Variants in SH3BP4 observed in about 807,000 individuals in gnomAD.
SH3BP4 encodes SH3 domain binding protein 4, also known as SH3 domain-binding protein 4.
SH3BP4 carries 33 observed loss-of-function variants against 65.5 expected under a neutral mutation model. The observed-to-expected ratio is 0.50, with a 90% CI of 0.38 to 0.67. The LOEUF (loss-of-function observed/expected upper bound fraction) is 0.67. Among genes scored for constraint, SH3BP4 ranks in the 30% least tolerant of loss-of-function variants. SH3BP4 has a pLI of 0.00. For synonymous variants in SH3BP4, 552 were observed against 545.5 expected, an observed-to-expected ratio of 1.01 and a Z score of -0.17; for missense variants, 1,134 against 1,261.4, an observed-to-expected ratio of 0.90 and a Z score of 1.53.
chr2:234,972,115 TTTTTTTTTTTTGTTTTTTG>T, intron 1 of SH3BP4, among the ~76,000 whole-genome samples: 1 of 126,182 alleles, frequency 7.9e-6, no homozygotes, highest in African/African-American at 3.0e-5. Context: ...GTGCCCGGCC[TTTTTTTTTTTTGTTTTTTG>T]TTTTTTTTTT....
At position 235,034,983 on chromosome 2, in the gene SH3BP4, C is replaced by A; in HGVS notation, c.-20C>A. The A allele has an allele frequency of 6.2e-7, 1 of 1,605,060 alleles. No individual in the cohort carries two copies. Among genetic ancestry groups the A allele is most frequent in the Non-Finnish European group, 8.5e-7 (1 of 1,172,190 alleles). ...GAAATATGAAGCCTTAGCGGCTTTA[C>A]CCGGGAAGCGAGTTTCGAGATGGCG... is the stretch of plus-strand genomic sequence containing the variant. On this transcript the variant is annotated 5_prime_UTR_variant, in exon 3 of 6. Coordinates refer to ENST00000392011, the MANE Select transcript of SH3BP4 (RefSeq NM_014521.3). The surrounding 1 kb of genome is among the most constrained non-coding windows in gnomAD (Gnocchi z 6.2).
intron 1 of SH3BP4, among the ~76,000 whole-genome samples, chr2:234,962,572 G>T (rs1692738752): frequency 6.6e-6 from 1 of 152,252 alleles, no homozygotes. Context: ...AATCACATCA[G>T]TGGAATTCTA....
chr2:235,024,599 A>T (rs761149619), intron 2 of SH3BP4, among the ~76,000 whole-genome samples: 1 of 152,096 alleles, frequency 6.6e-6, no homozygotes, highest in Non-Finnish European at 1.5e-5. Flanking sequence ...CAGCATTTTC[A>T]TCAGGGAAAG....
At chr2:234,988,933 G>A (rs1179641173) in intron 1 of SH3BP4, among the ~76,000 whole-genome samples, 1 of 152,168 alleles carries the variant, frequency 6.6e-6, no homozygotes, top group Non-Finnish European at 1.5e-5. Context: ...TTCTGCATAA[G>A]AAAATGTAAC....
Position 235,041,699 on chromosome 2 carries a change from C to G in SH3BP4, c.930C>G (p.Gly310=), listed in dbSNP as rs534074692. ...TGCTTGGCCAAAGCCCTGGTTGGGG[C>G]CAGACCCAAGCCGTGGAGACAAACA... ...LDLLGQSPGW[G]QTQAVETNIV... Residue 310 remains glycine (G), a synonymous_variant, in exon 4 of 6, where the codon GGC becomes GGG. Transcript: ENST00000392011. This position sits in a 1 kb window ranked among gnomAD's most constrained non-coding sequence, Gnocchi z 6.0. The G allele has an allele frequency of 6.2e-7, 1 of 1,612,670 alleles. No individual in the cohort carries two copies. The highest frequency in any genetic ancestry group is 8.5e-7 in the Non-Finnish European group (1 of 1,179,256).
intron 2 of SH3BP4, among the ~76,000 whole-genome samples, chr2:235,028,121 G>A (rs567613617): frequency 6.6e-6 from 1 of 152,326 alleles, no homozygotes; most frequent in African/African-American, 2.4e-5. Context: ...GGATGAATCA[G>A]CCTTTGCACA....
chr2:235,035,245 T>C lies in SH3BP4; in HGVS notation c.118+125T>C. On this transcript the variant is annotated intron_variant, in intron 3 of 5. Transcript: ENST00000392011. The surrounding 1 kb of genome is among the most constrained non-coding windows in gnomAD (Gnocchi z 5.0). ...TTCAGATAGTTAAAGTTTAGTTCTT[T>C]AAACTTCATCATGGTAATAGATTTA... The C allele has an allele frequency of 1.3e-6, 1 of 765,598 alleles. No individual in the cohort carries two copies. Among genetic ancestry groups the C allele is most frequent in the Non-Finnish European group, 2.3e-6 (1 of 438,054 alleles). 47.4% of individuals were successfully genotyped at this position (765,598 alleles called of 1,614,324 possible).
intron 4 of SH3BP4, among the ~76,000 whole-genome samples, chr2:235,043,805 C>G (rs1301927060): frequency 6.6e-6 from 1 of 152,258 alleles, no homozygotes; most frequent in South Asian, 2.1e-4. Flanking sequence ...TGGCTGATGT[C>G]CCGCTGCCTG....
At chr2:235,028,231 C>T (rs1478311147) in intron 2 of SH3BP4, among the ~76,000 whole-genome samples, 1 of 152,210 alleles carries the variant, frequency 6.6e-6, no homozygotes, top group East Asian at 1.9e-4. Context: ...GGAGCCTGCT[C>T]TTCTAGGGGG....
intron 2 of SH3BP4, among the ~76,000 whole-genome samples, chr2:235,029,053 G>A (rs565593577): frequency 5.3e-5 from 8 of 152,302 alleles, no homozygotes; most frequent in South Asian, 2.1e-4. Flanking sequence ...AAAATGTTCC[G>A]GCTGCTAATT....
rs1323421943 is a variant in SH3BP4 at position 235,054,994 on chromosome 2, C to T, written c.*1178C>T. The T allele has an allele frequency of 6.6e-6, 1 of 152,198 alleles. No homozygotes were observed. The highest frequency in any genetic ancestry group is 1.9e-4 in the East Asian group (1 of 5,200). 9.4% of individuals were successfully genotyped at this position (152,198 alleles called of 1,614,324 possible). ...TTGTACAATGTAAAGATCATCTGAG[C>T]AAGATGAGCATTTTGTAAAAATGAA... On this transcript the variant is annotated 3_prime_UTR_variant, in exon 6 of 6. Transcript: ENST00000392011.
At chr2:235,007,209 A>G (rs1309486812) in intron 2 of SH3BP4, among the ~76,000 whole-genome samples, 1 of 152,144 alleles carries the variant, frequency 6.6e-6, no homozygotes, top group Non-Finnish European at 1.5e-5. Context: ...AGGCAGGAGC[A>G]GGAGGCACAG....
At position 235,041,405 on chromosome 2, in the gene SH3BP4, C is replaced by T; in HGVS notation, c.636C>T (p.Ser212=). The part of the protein sequence containing the change: ...FTESSSATTN[S]TGNIFDELPV... ...AATCCAGCTCAGCCACCACGAATAGCACTGGCAACATCTTCGATGAGCTTC... is the reference window on the plus strand; with the variant it reads ...AATCCAGCTCAGCCACCACGAATAGTACTGGCAACATCTTCGATGAGCTTC... Residue 212 remains serine, a synonymous_variant, in exon 4 of 6, where the codon AGC becomes AGT. Coordinates refer to ENST00000392011, the MANE Select transcript of SH3BP4 (RefSeq NM_014521.3). The surrounding 1 kb of genome is among the most constrained non-coding windows in gnomAD (Gnocchi z 6.0). 2 of 1,614,202 alleles carry T rather than the reference C, an allele frequency of 1.2e-6. No homozygotes were observed. The highest frequency in any genetic ancestry group is 1.7e-6 in the Non-Finnish European group (2 of 1,180,034).
intron 1 of SH3BP4, among the ~76,000 whole-genome samples, chr2:234,994,309 T>A (rs987353050): frequency 2.6e-5 from 4 of 152,182 alleles, no homozygotes; most frequent in Non-Finnish European, 5.9e-5. Flanking sequence ...TTTAATTGCA[T>A]GTTAAATATT....
intron 1 of SH3BP4, among the ~76,000 whole-genome samples, chr2:234,975,258 G>A (rs762435511): frequency 2.2e-4 from 33 of 152,182 alleles, no homozygotes; most frequent in Admixed American, 9.8e-4. Context: ...GACGACAGAC[G>A]TGTCACTGAG....
intron 1 of SH3BP4, among the ~76,000 whole-genome samples, chr2:234,986,183 T>C (rs771972659): frequency 1.3e-5 from 2 of 150,484 alleles, no homozygotes; most frequent in Non-Finnish European, 2.9e-5. Flanking sequence ...GCAGGCGTTA[T>C]CTCTCTTATT....
chr2:235,031,793 G>A (rs979620163), intron 2 of SH3BP4, among the ~76,000 whole-genome samples: 8 of 152,224 alleles, frequency 5.3e-5, no homozygotes, highest in Non-Finnish European at 1.2e-4. Context: ...TGCTCTCCAG[G>A]TAACAGTTCC....
At chr2:234,983,187 A>G (rs899596225) in intron 1 of SH3BP4, 1 of 152,208 alleles carries the variant, frequency 6.6e-6, no homozygotes, top group Non-Finnish European at 1.5e-5. Flanking sequence ...CCGGGTGCCA[A>G]TTACCCAGGG....
chr2:234,954,784 C>T (rs1296867454), intron 1 of SH3BP4, among the ~76,000 whole-genome samples: 3 of 152,018 alleles, frequency 2.0e-5, no homozygotes, highest in Non-Finnish European at 1.5e-5. Context: ...GTTAAGAGCC[C>T]CTGGCTCCCC....
Sources: gnomAD v4.1 joint callset for allele counts (sites outside exome capture counted in the v4.1 genomes callset) on GRCh38, gnomAD v4.1.1 for gene constraint, Gnocchi (gnomAD v3.1) non-coding constraint, MANE v1.5 for transcripts, NCBI Gene and HGNC (gene_info 2026-07-23, HGNC 2026-07-21) for gene names.